Variants in PPP1R11 observed in about 807,000 individuals in gnomAD.
PPP1R11 encodes the protein protein phosphatase 1 regulatory inhibitor subunit 11, also known as E3 ubiquitin-protein ligase PPP1R11.
PPP1R11 carries 10 observed loss-of-function variants against 11.3 expected under a neutral mutation model. The ratio of observed to expected loss-of-function variants is 0.88; its 90% confidence interval spans 0.55 to 1.50. The LOEUF (loss-of-function observed/expected upper bound fraction) is 1.50. Among genes scored for constraint, PPP1R11 ranks in the 40% most tolerant of loss-of-function variants. The pLI is 0.00. For missense variants in PPP1R11, 114 were observed against 179.1 expected, an observed-to-expected ratio of 0.64 and a Z score of 2.07; for synonymous variants, 56 against 62.3, an observed-to-expected ratio of 0.90 and a Z score of 0.48.
At chr6:30,062,670 C>G (rs1006602894), upstream of PPP1R11, among the ~76,000 whole-genome samples, 3 of 144,910 alleles carry the variant, frequency 2.1e-5, no homozygotes, top group Non-Finnish European at 4.5e-5. Flanking sequence ...CCCACCTCAG[C>G]CTCCAAAGTA....
the PPP1R11 span, chr6:30,061,633 A>C: frequency 6.2e-7 from 1 of 1,613,020 alleles, no homozygotes; most frequent in Non-Finnish European, 8.5e-7. This position sits in a 1 kb window ranked among gnomAD's most constrained non-coding sequence, Gnocchi z 5.0. Flanking sequence ...GGATACGGTC[A>C]CCTGTATTCG....
upstream of PPP1R11, among the ~76,000 whole-genome samples, chr6:30,066,402 G>A (rs1287080913): frequency 3.3e-5 from 5 of 152,104 alleles, no homozygotes; most frequent in South Asian, 4.1e-4. Flanking sequence ...TCTAAGAAAC[G>A]TGCATATATT....
upstream of PPP1R11, among the ~76,000 whole-genome samples, chr6:30,063,032 T>G (rs979568011): frequency 6.6e-6 from 1 of 152,142 alleles, no homozygotes; most frequent in Non-Finnish European, 1.5e-5. The surrounding 1 kb of genome is among the most constrained non-coding windows in gnomAD (Gnocchi z 4.1). Flanking sequence ...ATGGGCTTTC[T>G]GAATGCTTTT....
intron 1 of PPP1R11, among the ~76,000 whole-genome samples, chr6:30,068,023 G>C (rs1442747024): frequency 1.3e-5 from 2 of 152,204 alleles, no homozygotes; most frequent in African/African-American, 4.8e-5. Flanking sequence ...TTCAAAGGGA[G>C]AAGGTTGCAT....
At chr6:30,061,584 T>C in the PPP1R11 span, 2 of 1,613,126 alleles carry the variant, frequency 1.2e-6, no homozygotes, top group Admixed American at 1.7e-5. The surrounding 1 kb of genome is among the most constrained non-coding windows in gnomAD (Gnocchi z 5.0). Context: ...TGGATTTCTG[T>C]TCAGATTGCG....
chr6:30,068,971 G>T lies in PPP1R11; in HGVS notation c.179-133G>T, dbSNP rs932459950. On this transcript the variant is annotated intron_variant, in intron 2 of 2. Coordinates refer to ENST00000376772, the MANE Select transcript of PPP1R11 (RefSeq NM_021959.3). Reference sequence around the variant, plus strand: ...AGAGGGGTGGGGCCTGAGTCCCAGAGGGTGGGCCTGGGGAAGCTGGATCCT... The same window carrying T: ...AGAGGGGTGGGGCCTGAGTCCCAGATGGTGGGCCTGGGGAAGCTGGATCCT... 4.2e-6 allele frequency: 4 copies of T among 952,074 alleles called. No individual in the cohort carries two copies. The African/African-American group carries it at 6.6e-5, about 16-fold the overall frequency. The allele number at this position is 952,074 out of a possible 1,614,324, so 59.0% of individuals were successfully genotyped here.
upstream of PPP1R11, among the ~76,000 whole-genome samples, chr6:30,065,386 T>C (rs772176527): frequency 5.3e-5 from 8 of 152,222 alleles, no homozygotes; most frequent in Non-Finnish European, 1.2e-4. The surrounding 1 kb of genome is among the most constrained non-coding windows in gnomAD (Gnocchi z 5.3). Flanking sequence ...CTCCTGAGCC[T>C]ACTCAACATG....
Position 30,069,417 on chromosome 6 carries a change from G to A in PPP1R11, c.*111G>A. 3 of 902,544 alleles carry A rather than the reference G, an allele frequency of 3.3e-6. No homozygotes were observed. Among genetic ancestry groups the A allele is most frequent in the Non-Finnish European group, 4.9e-6 (3 of 606,148 alleles). 55.9% of individuals were successfully genotyped at this position (902,544 alleles called of 1,614,324 possible). A position where few individuals can be genotyped will look rare whatever the true frequency, so the allele number is the denominator to read the frequency against. On this transcript the variant is annotated 3_prime_UTR_variant, in exon 3 of 3. Coordinates refer to ENST00000376772, the MANE Select transcript of PPP1R11 (RefSeq NM_021959.3). This position sits in a 1 kb window ranked among gnomAD's most constrained non-coding sequence, Gnocchi z 6.6. ...TTCTGCCTGATAGAGGGAAGAGGAA[G>A]AGGAGGACGAACAGAGATCCTGAAA...
At chr6:30,061,863 C>T (rs745469067), upstream of PPP1R11, 47 of 1,590,698 alleles carry the variant, frequency 3.0e-5, no homozygotes, top group Non-Finnish European at 3.8e-5. The surrounding 1 kb of genome is among the most constrained non-coding windows in gnomAD (Gnocchi z 5.0). Context: ...GGGAGGTTTC[C>T]GGTGTCAGCT....
At position 30,069,466 on chromosome 6, in the gene PPP1R11, AC is replaced by A; in HGVS notation, c.*163del. Reference sequence around the variant, plus strand: ...AATTCTGACTTGCTGCTATTCCAGAACCCAGCCTCCTGGGTTTCCCCAGTCC... The same window carrying A: ...AATTCTGACTTGCTGCTATTCCAGAACCAGCCTCCTGGGTTTCCCCAGTCC... On this transcript the variant is annotated 3_prime_UTR_variant, in exon 3 of 3. Coordinates refer to ENST00000376772, the MANE Select transcript of PPP1R11 (RefSeq NM_021959.3). This position sits in a 1 kb window ranked among gnomAD's most constrained non-coding sequence, Gnocchi z 6.6. 1.7e-6 allele frequency: 1 copy of A among 604,030 alleles called. No homozygotes were observed. The highest frequency in any genetic ancestry group is 2.7e-6 in the Non-Finnish European group (1 of 373,462). The allele number at this position is 604,030 out of a possible 1,614,324, so 37.4% of individuals were successfully genotyped here.
intron 1 of PPP1R11, 86 bp from the exon 2 acceptor site, chr6:30,068,504 A>T (rs899575857): frequency 4.6e-6 from 5 of 1,079,916 alleles, no homozygotes; most frequent in Non-Finnish European, 6.9e-6. Context: ...TGAGCTAAAG[A>T]AGAAAAGAGA....
upstream of PPP1R11, among the ~76,000 whole-genome samples, chr6:30,063,282 C>T (rs9261276): frequency 0.052 from 7,911 of 152,088 alleles, 256 homozygotes; most frequent in Admixed American, 0.068. The surrounding 1 kb of genome is among the most constrained non-coding windows in gnomAD (Gnocchi z 4.1). Context: ...TTCTGTCCTC[C>T]ATTTCTCTCA....
rs772951568 is a variant in PPP1R11, at chr6:30,067,376, C to A, written c.-35C>A. 11 of 1,600,104 alleles carry A rather than the reference C, an allele frequency of 6.9e-6. No homozygotes were observed. The South Asian group carries it at 8.8e-5, about 13-fold the overall frequency. On this transcript the variant is annotated 5_prime_UTR_variant, in exon 1 of 3. Coordinates refer to ENST00000376772, the MANE Select transcript of PPP1R11 (RefSeq NM_021959.3). The stretch of plus-strand genomic sequence containing the variant: ...GAAAAAGGGAAGGGTGTCTCATCCC[C>A]CTTCCTCCTCTCCTCCCTGTCCTGA...
upstream of PPP1R11, among the ~76,000 whole-genome samples, chr6:30,062,714 CTTTTTTTTTTTTTTTTTT>C (rs9278555): frequency 6.6e-4 from 28 of 42,388 alleles, no homozygotes; most frequent in Middle Eastern, 0.016. Context: ...CCACGCCTGG[CTTTTTTTTTTTTTTTTTT>C]TTTTTTTTTT....
chr6:30,062,714 C>CCTTTTTTTTTTTTTTT (rs749507630), upstream of PPP1R11, among the ~76,000 whole-genome samples: 77 of 42,386 alleles, frequency 1.8e-3, 10 homozygotes, highest in African/African-American at 4.0e-3. Flanking sequence ...CCACGCCTGG[C>CCTTTTTTTTTTTTTTT]TTTTTTTTTT....
upstream of PPP1R11, chr6:30,061,902 T>TA (rs1366034194): frequency 2.5e-6 from 4 of 1,612,674 alleles, no homozygotes; most frequent in Non-Finnish European, 1.7e-6. The surrounding 1 kb of genome is among the most constrained non-coding windows in gnomAD (Gnocchi z 5.0). Context: ...AACCAGTTCT[T>TA]ACTTGCCTGT....
chr6:30,061,806 T>G, upstream of PPP1R11: 1 of 1,552,752 alleles, frequency 6.4e-7, no homozygotes, highest in Non-Finnish European at 8.8e-7. This position sits in a 1 kb window ranked among gnomAD's most constrained non-coding sequence, Gnocchi z 5.0. Context: ...CGATGAAAAC[T>G]GAGGGAAAGG....
At chr6:30,061,954 C>G, upstream of PPP1R11, 1 of 1,613,084 alleles carries the variant, frequency 6.2e-7, no homozygotes, top group South Asian at 1.1e-5. The surrounding 1 kb of genome is among the most constrained non-coding windows in gnomAD (Gnocchi z 5.0). Context: ...CGGTTGTGTT[C>G]CACCAACTGG....
upstream of PPP1R11, chr6:30,064,656 C>G (rs753258061): frequency 1.9e-6 from 3 of 1,604,920 alleles, no homozygotes; most frequent in Non-Finnish European, 2.5e-6. Flanking sequence ...TATAACAAGT[C>G]CTTTCTTTCC....
Sources: gnomAD v4.1 joint callset for allele counts (sites outside exome capture counted in the v4.1 genomes callset) on GRCh38, gnomAD v4.1.1 for gene constraint, Gnocchi (gnomAD v3.1) non-coding constraint, MANE v1.5 for transcripts, NCBI Gene and HGNC (gene_info 2026-07-23, HGNC 2026-07-21) for gene names.